Variants in AUTS2 observed in about 807,000 individuals in gnomAD.
The protein encoded by AUTS2 is autism susceptibility gene 2 protein.
In AUTS2, 17 loss-of-function variants were observed where a neutral mutation model predicts 112.4. The observed-to-expected ratio is 0.15, with a 90% CI of 0.10 to 0.23. AUTS2 has a LOEUF of 0.23. AUTS2 is among the 10% of genes least tolerant of loss of function. The probability of loss-of-function intolerance (pLI) is 1.00; values close to 1 mark genes in which losing one functional copy is unlikely to be tolerated. For missense variants in AUTS2, 1,510 were observed against 1,701.6 expected (o/e 0.89, Z 1.98); for synonymous variants, 751 against 702.7 (o/e 1.07, Z -1.09).
chr7:69,645,985 T>TC (rs1365230377), intron 1 of AUTS2, among the ~76,000 whole-genome samples: 1 of 151,018 alleles, frequency 6.6e-6, no homozygotes, highest in Non-Finnish European at 1.5e-5. Flanking sequence ...TTTTTTTTTT[T>TC]CTCCTTCTTC....
intron 4 of AUTS2, among the ~76,000 whole-genome samples, chr7:70,286,568 C>T (rs1788469624): frequency 6.6e-6 from 1 of 152,150 alleles, no homozygotes; most frequent in South Asian, 2.1e-4. Context: ...AAAACATTTT[C>T]AACCTAAGCT....
chr7:69,895,370 A>T (rs1279839978), intron 1 of AUTS2, among the ~76,000 whole-genome samples: 1 of 152,230 alleles, frequency 6.6e-6, no homozygotes, highest in African/African-American at 2.4e-5. Flanking sequence ...TGTACCAAAA[A>T]ATCTATATAG....
intron 1 of AUTS2, among the ~76,000 whole-genome samples, chr7:69,745,519 A>T (rs893691666): frequency 2.3e-4 from 35 of 152,186 alleles, no homozygotes; most frequent in African/African-American, 8.0e-4. Context: ...TGAAGTGTAC[A>T]ATTTTTCTTC....
At chr7:70,195,153 C>G (rs1418230769) in intron 4 of AUTS2, among the ~76,000 whole-genome samples, 1 of 152,042 alleles carries the variant, frequency 6.6e-6, no homozygotes, top group Non-Finnish European at 1.5e-5. Flanking sequence ...CCTCAATATG[C>G]TTAAATTATT....
intron 2 of AUTS2, among the ~76,000 whole-genome samples, chr7:69,918,276 C>T (rs1045016496): frequency 2.6e-4 from 40 of 152,274 alleles, no homozygotes; most frequent in African/African-American, 7.9e-4. Flanking sequence ...CGTTCAAAAA[C>T]GTAAAAAAGA....
At chr7:70,660,497 C>T (rs1465197093) in intron 5 of AUTS2, among the ~76,000 whole-genome samples, 2 of 152,176 alleles carry the variant, frequency 1.3e-5, no homozygotes, top group African/African-American at 4.8e-5. Flanking sequence ...ACAACAGATA[C>T]GTATTGAAGG....
chr7:69,946,601 C>T (rs988728031), intron 2 of AUTS2, among the ~76,000 whole-genome samples: 5 of 139,836 alleles, frequency 3.6e-5, no homozygotes, highest in Non-Finnish European at 8.1e-5. Flanking sequence ...CACACACACA[C>T]ACACACGCAC....
At chr7:70,025,908 A>G (rs1266708317) in intron 2 of AUTS2, among the ~76,000 whole-genome samples, 3 of 151,840 alleles carry the variant, frequency 2.0e-5, no homozygotes, top group Non-Finnish European at 2.9e-5. Context: ...CATTTCCTAC[A>G]GCTTTCAAAG....
intron 1 of AUTS2, among the ~76,000 whole-genome samples, chr7:69,704,627 A>G (rs1280481863): frequency 1.3e-5 from 2 of 152,204 alleles, no homozygotes; most frequent in Non-Finnish European, 2.9e-5. Flanking sequence ...TCCAGGCCAC[A>G]GGACTATCTG....
intron 5 of AUTS2, among the ~76,000 whole-genome samples, chr7:70,646,993 T>G (rs886580647): frequency 2.0e-5 from 3 of 152,208 alleles, no homozygotes; most frequent in Non-Finnish European, 4.4e-5. Flanking sequence ...CTGCCACCTC[T>G]GTGTCTGGGC....
intron 2 of AUTS2, among the ~76,000 whole-genome samples, chr7:69,924,494 G>A (rs1795928195): frequency 1.3e-5 from 2 of 150,844 alleles, no homozygotes; most frequent in Admixed American, 1.3e-4. Flanking sequence ...AGAAGAGTTT[G>A]TGTAGAATTG....
intron 4 of AUTS2, among the ~76,000 whole-genome samples, chr7:70,252,142 A>G (rs759064726): frequency 6.6e-6 from 1 of 152,198 alleles, no homozygotes; most frequent in Non-Finnish European, 1.5e-5. Flanking sequence ...CTTTGAATTT[A>G]TATCAGAAGT....
chr7:69,707,529 A>G (rs1248820435), intron 1 of AUTS2, among the ~76,000 whole-genome samples: 1 of 152,238 alleles, frequency 6.6e-6, no homozygotes, highest in African/African-American at 2.4e-5. Flanking sequence ...CCAGCTTTGT[A>G]ACTTTGGGCA....
At chr7:70,010,313 CT>C (rs1445141619) in intron 2 of AUTS2, among the ~76,000 whole-genome samples, 1 of 152,038 alleles carries the variant, frequency 6.6e-6, no homozygotes, top group Non-Finnish European at 1.5e-5. Context: ...ATCCAGATAA[CT>C]TTCTATTTTT....
At chr7:70,089,679 A>C (rs1470497660) in intron 2 of AUTS2, among the ~76,000 whole-genome samples, 1 of 151,758 alleles carries the variant, frequency 6.6e-6, no homozygotes, top group East Asian at 1.9e-4. Flanking sequence ...TTCTTTACTT[A>C]CTTTTCCACA....
intron 1 of AUTS2, among the ~76,000 whole-genome samples, chr7:69,862,344 C>T (rs1793024798): frequency 6.6e-6 from 1 of 152,130 alleles, no homozygotes; most frequent in African/African-American, 2.4e-5. Flanking sequence ...GAAAGAACCA[C>T]AAATTTATAT....
At position 70,596,135 on chromosome 7, in the gene AUTS2, C is replaced by A; in HGVS notation, c.691-102434C>A. ...TCTTCTGAGCTAATTAGGAGACGGT[C>A]ATGAGGAGCGAGGCGGGCCGGGGCG... On this transcript the variant is annotated intron_variant, in intron 5 of 18. Coordinates refer to ENST00000342771, the MANE Select transcript of AUTS2 (RefSeq NM_015570.4). The A allele has an allele frequency of 3.3e-5, 5 of 152,622 alleles. No individual in the cohort carries two copies. In the South Asian group the frequency reaches 9.3e-4, roughly 28 times the overall value. The allele number at this position is 152,622 out of a possible 1,614,324, so 9.5% of individuals were successfully genotyped here.
In AUTS2 at chr7:70,294,871, C is replaced by T. The variant is rs542089056; in HGVS notation, c.661-140881C>T. Among the ~76,000 whole-genome samples, 46 of 150,584 alleles carry T rather than the reference C, an allele frequency of 3.1e-4. No homozygotes were observed. The South Asian group carries it at 8.2e-3, about 27-fold the overall frequency. On this transcript the variant is annotated intron_variant, in intron 4 of 18. Transcript: ENST00000342771. The stretch of plus-strand genomic sequence containing the variant: ...AGTCGTTTTGTTTGTTCCACAGAAA[C>T]GTAGCAGTTGAAATAATTGCCTTGC...
chr7:69,955,497 A>T (rs1230982936), intron 2 of AUTS2, among the ~76,000 whole-genome samples: 1 of 152,166 alleles, frequency 6.6e-6, no homozygotes, highest in Admixed American at 6.5e-5. Context: ...CAAATGAGAC[A>T]TGGGGTTTTA....
Sources: allele counts gnomAD v4.1 joint callset (sites outside exome capture counted in the v4.1 genomes callset), GRCh38; gene constraint gnomAD v4.1.1; transcripts MANE v1.5; gene names NCBI Gene and HGNC (gene_info 2026-07-23, HGNC 2026-07-21).